KANK1: variants seen among roughly 807,000 people sequenced by gnomAD.
KANK1 encodes KN motif and ankyrin repeat domain-containing protein 1.
A neutral mutation model predicts 106.2 loss-of-function variants in KANK1; 109 were observed. The ratio of observed to expected loss-of-function variants is 1.03; its 90% CI spans 0.88 to 1.20. The LOEUF (loss-of-function observed/expected upper bound fraction) is 1.20. Ranked by LOEUF, KANK1 falls within the 50% of genes most tolerant of loss-of-function variation. The pLI is 0.00. For synonymous variants in KANK1, 873 were observed against 652.2 expected, an observed-to-expected ratio of 1.34 and a Z score of -5.16; for missense variants, 2,399 against 1,710.7, an observed-to-expected ratio of 1.40 and a Z score of -7.10.
intron 4 of KANK1, 100 bp downstream of exon 4, chr9:730,348 GA>G (rs1402531362): frequency 8.2e-7 from 1 of 1,219,462 alleles, no homozygotes; most frequent in Non-Finnish European, 1.2e-6. Flanking sequence ...TGACCTGGAA[GA>G]AAGTTAATAT....
intron 1 of KANK1, among the ~76,000 whole-genome samples, chr9:527,498 A>G (rs960595006): frequency 6.6e-6 from 1 of 151,420 alleles, no homozygotes; most frequent in Non-Finnish European, 1.5e-5. Flanking sequence ...ATGGGGTTTC[A>G]CTATGTTGGC....
chr9:631,284 AAG>A (rs1835670776), intron 1 of KANK1, among the ~76,000 whole-genome samples: 1 of 152,172 alleles, frequency 6.6e-6, no homozygotes, highest in Non-Finnish European at 1.5e-5. Flanking sequence ...CACACGGAAA[AAG>A]AAATGCTGTG....
At chr9:727,886 C>T (rs374732169) in intron 3 of KANK1, among the ~76,000 whole-genome samples, 5 of 152,270 alleles carry the variant, frequency 3.3e-5, no homozygotes, top group East Asian at 3.9e-4. Flanking sequence ...CCCTAACCAA[C>T]GGAATAGATC....
chr9:595,952 T>C (rs893049309), intron 1 of KANK1, among the ~76,000 whole-genome samples: 3 of 151,958 alleles, frequency 2.0e-5, no homozygotes, highest in African/African-American at 7.3e-5. Flanking sequence ...TTTCGGACTT[T>C]GGACTTTTTT....
intron 1 of KANK1, among the ~76,000 whole-genome samples, chr9:649,193 C>T (rs1215941012): frequency 6.6e-6 from 1 of 152,078 alleles, no homozygotes; most frequent in Non-Finnish European, 1.5e-5. Flanking sequence ...AGCAGTCTTC[C>T]AGTATTTCTA....
In KANK1 at chr9:731,180, A is replaced by AC. The variant is rs1564102547; in HGVS notation, c.2920dup (p.Leu974ProfsTer11). On this transcript the variant is annotated frameshift_variant, in exon 5 of 12. Transcript: ENST00000382297. LOFTEE classifies it high-confidence loss of function. ...CAGCATGTACAAACAATGAAAGTACACTGAAGTCCATCATGAAGAAGAAAG... is the reference window on the plus strand; with the variant it reads ...CAGCATGTACAAACAATGAAAGTACACCTGAAGTCCATCATGAAGAAGAAAG... The AC allele has an allele frequency of 1.2e-6, 2 of 1,609,626 alleles. No homozygotes were observed. Among genetic ancestry groups the AC allele is most frequent in the Non-Finnish European group, 1.7e-6 (2 of 1,176,218 alleles).
At chr9:597,021 G>A (rs1826390190) in intron 1 of KANK1, among the ~76,000 whole-genome samples, 1 of 151,712 alleles carries the variant, frequency 6.6e-6, no homozygotes, top group African/African-American at 2.4e-5. Context: ...TTTGTGTCTG[G>A]CTTCTTTCAC....
intron 1 of KANK1, among the ~76,000 whole-genome samples, chr9:590,684 C>G (rs1210781730): frequency 6.6e-6 from 1 of 151,392 alleles, no homozygotes; most frequent in East Asian, 1.9e-4. Flanking sequence ...TTCTTAAATA[C>G]AGAAATGCAC....
chr9:722,341 C>A (rs1162969580), intron 3 of KANK1, among the ~76,000 whole-genome samples: 1 of 152,098 alleles, frequency 6.6e-6, no homozygotes, highest in Admixed American at 6.6e-5. Context: ...GTCTCTCTGT[C>A]TGTCTGCCTC....
chr9:594,309 T>A (rs1825701816), intron 1 of KANK1, among the ~76,000 whole-genome samples: 1 of 151,902 alleles, frequency 6.6e-6, no homozygotes. Context: ...GGAGAAAGGC[T>A]AACTAGGGGG....
At chr9:722,735 T>C (rs1048676268) in intron 3 of KANK1, among the ~76,000 whole-genome samples, 2 of 152,218 alleles carry the variant, frequency 1.3e-5, no homozygotes, top group Non-Finnish European at 2.9e-5. Context: ...TTAATGAGGT[T>C]CTTTTCCTTA....
At chr9:519,047 G>C (rs4742063) in intron 1 of KANK1, among the ~76,000 whole-genome samples, 48,967 of 151,118 alleles carry the variant, frequency 0.32, 8,439 homozygotes, top group African/African-American at 0.38. Context: ...TGCACCACCA[G>C]GCCTGACTAA....
At chr9:683,299 A>G (rs10491592) in intron 2 of KANK1, among the ~76,000 whole-genome samples, 2 of 152,068 alleles carry the variant, frequency 1.3e-5, no homozygotes, top group East Asian at 3.8e-4. Context: ...GTATTCTCCC[A>G]TAAGTAGTGT....
chr9:553,838 T>C (rs2061419215), intron 1 of KANK1, among the ~76,000 whole-genome samples: 1 of 152,164 alleles, frequency 6.6e-6, no homozygotes, highest in African/African-American at 2.4e-5. Flanking sequence ...ATAGGTTTAA[T>C]GGAAATTAAA....
chr9:702,318 G>C (rs1361266290), intron 2 of KANK1, among the ~76,000 whole-genome samples: 1 of 152,154 alleles, frequency 6.6e-6, no homozygotes, highest in Non-Finnish European at 1.5e-5. Flanking sequence ...ATAAATTCTG[G>C]CAATGCCAGC....
At chr9:512,424 T>C (rs2059075660) in intron 1 of KANK1, among the ~76,000 whole-genome samples, 1 of 152,044 alleles carries the variant, frequency 6.6e-6, no homozygotes, top group African/African-American at 2.4e-5. Flanking sequence ...GGCCGGTCTT[T>C]TTGTTTAGTT....
chr9:563,337 G>A (rs1316471373), intron 1 of KANK1, among the ~76,000 whole-genome samples: 1 of 152,078 alleles, frequency 6.6e-6, no homozygotes, highest in Non-Finnish European at 1.5e-5. Flanking sequence ...ATTGTGTTTG[G>A]TCTTAAACTG....
intron 1 of KANK1, among the ~76,000 whole-genome samples, chr9:587,254 T>C (rs1474947771): frequency 6.6e-6 from 1 of 151,266 alleles, no homozygotes; most frequent in Non-Finnish European, 1.5e-5. Flanking sequence ...TCCAATGATC[T>C]GTTCAGACTG....
At chr9:736,206 T>C (rs1833767773) in intron 7 of KANK1, among the ~76,000 whole-genome samples, 1 of 152,126 alleles carries the variant, frequency 6.6e-6, no homozygotes, top group Non-Finnish European at 1.5e-5. Context: ...GGTCCGCCCA[T>C]CTTGGCCTCC....
Sources: allele counts gnomAD v4.1 joint callset (sites outside exome capture counted in the v4.1 genomes callset), GRCh38; gene constraint gnomAD v4.1.1; transcripts MANE v1.5; gene names NCBI Gene and HGNC (gene_info 2026-07-23, HGNC 2026-07-21).